The following POU6F2 variants were observed in gnomAD, a reference collection of about 807,000 sequenced individuals.
The protein encoded by POU6F2 is POU class 6 homeobox 2.
POU6F2 carries 31 observed loss-of-function variants against 71.3 expected under a neutral mutation model. The ratio of observed to expected loss-of-function variants is 0.43; its 90% CI spans 0.33 to 0.59. The LOEUF (loss-of-function observed/expected upper bound fraction) is 0.59. POU6F2 is among the 20% of genes least tolerant of loss of function. POU6F2 has a pLI of 0.04. For missense variants in POU6F2, 783 were observed against 856.8 expected (o/e 0.91, Z 1.07); for synonymous variants, 347 against 355.7 (o/e 0.98, Z 0.27).
intron 1 of POU6F2, among the ~76,000 whole-genome samples, chr7:39,068,404 A>C (rs1377005037): frequency 1.3e-5 from 2 of 152,018 alleles, no homozygotes; most frequent in Admixed American, 6.6e-5. Flanking sequence ...AGTGAATTAT[A>C]AAAGCAGGAT....
At chr7:39,000,845 C>T (rs746290162) in intron 1 of POU6F2, among the ~76,000 whole-genome samples, 57 of 152,162 alleles carry the variant, frequency 3.7e-4, no homozygotes, top group Non-Finnish European at 6.6e-4. Flanking sequence ...CGTGGCCTTT[C>T]CTTTTCCTTA....
At chr7:39,215,619 G>A (rs560248747) in intron 4 of POU6F2, among the ~76,000 whole-genome samples, 1 of 152,252 alleles carries the variant, frequency 6.6e-6, no homozygotes, top group East Asian at 1.9e-4. Context: ...TCTGGACTTA[G>A]GACATAGCAA....
At chr7:39,364,136 G>A (rs879530343) in intron 5 of POU6F2, among the ~76,000 whole-genome samples, 1 of 152,154 alleles carries the variant, frequency 6.6e-6, no homozygotes, top group Non-Finnish European at 1.5e-5. Context: ...AGCAGTGGGG[G>A]TTTTCTCTAG....
chr7:39,186,064 C>G (rs527342309), intron 2 of POU6F2, among the ~76,000 whole-genome samples: 1 of 152,030 alleles, frequency 6.6e-6, no homozygotes, highest in African/African-American at 2.4e-5. Context: ...GCACTCACTA[C>G]CACGCGTGGC....
chr7:39,043,021 G>A (rs1261561441), intron 1 of POU6F2, among the ~76,000 whole-genome samples: 1 of 152,002 alleles, frequency 6.6e-6, no homozygotes, highest in Non-Finnish European at 1.5e-5. Flanking sequence ...TCTGGAGTGT[G>A]TGTATGTTCT....
At chr7:39,227,626 C>T (rs550134885) in intron 4 of POU6F2, among the ~76,000 whole-genome samples, 1 of 148,836 alleles carries the variant, frequency 6.7e-6, no homozygotes, top group African/African-American at 2.5e-5. Flanking sequence ...GCGATCTCAG[C>T]TCACTGCAAC....
chr7:39,244,937 C>T (rs561678321), intron 4 of POU6F2, among the ~76,000 whole-genome samples: 1 of 152,276 alleles, frequency 6.6e-6, no homozygotes, highest in Admixed American at 6.5e-5. Context: ...GCCACGAATA[C>T]TCCAAATGGC....
At chr7:39,015,425 TTA>T (rs1309585328) in intron 1 of POU6F2, among the ~76,000 whole-genome samples, 5 of 128,842 alleles carry the variant, frequency 3.9e-5, no homozygotes, top group Admixed American at 8.7e-5. Context: ...ATAATATCTA[TTA>T]TATATAATAT....
intron 4 of POU6F2, among the ~76,000 whole-genome samples, chr7:39,274,278 G>A (rs899377803): frequency 1.3e-5 from 2 of 152,178 alleles, no homozygotes; most frequent in Non-Finnish European, 2.9e-5. Context: ...ACACCTCTAT[G>A]CAAATAAATT....
intron 4 of POU6F2, among the ~76,000 whole-genome samples, chr7:39,248,838 C>G (rs187576327): frequency 1.3e-3 from 205 of 152,286 alleles, no homozygotes; most frequent in African/African-American, 4.5e-3. Flanking sequence ...TAGTCCCTAT[C>G]CCCACTGAGC....
intron 2 of POU6F2, among the ~76,000 whole-genome samples, chr7:39,120,051 G>A (rs1792009004): frequency 6.6e-6 from 1 of 152,234 alleles, no homozygotes; most frequent in Non-Finnish European, 1.5e-5. Context: ...ACCAGCACTT[G>A]TCTGTAAGAG....
At chr7:39,033,005 C>T (rs1489441570) in intron 1 of POU6F2, among the ~76,000 whole-genome samples, 1 of 152,196 alleles carries the variant, frequency 6.6e-6, no homozygotes, top group Admixed American at 6.5e-5. Context: ...TACTCCCGTT[C>T]AGTGTCATCG....
intron 5 of POU6F2, among the ~76,000 whole-genome samples, chr7:39,395,549 AG>A (rs1249575897): frequency 2.6e-5 from 4 of 152,192 alleles, no homozygotes; most frequent in Non-Finnish European, 1.5e-5. Context: ...CTATATGGGC[AG>A]TGCCTCAAGG....
rs142960222 is a variant in POU6F2, at chr7:39,463,681, G to A, written c.1659-501G>A. Reference sequence around the variant, plus strand: ...AGTCCCAATGGCCATCAGTGACTATGATAATAGCAATAACATTTTTATAAC... The same window carrying A: ...AGTCCCAATGGCCATCAGTGACTATAATAATAGCAATAACATTTTTATAAC... On this transcript the variant is annotated intron_variant, in intron 9 of 9. Coordinates refer to ENST00000518318, the MANE Select transcript of POU6F2 (RefSeq NM_001370959.1). 3.3e-3 allele frequency among the ~76,000 whole-genome samples: 506 copies of A among 152,300 alleles called. 8 individuals carry two copies. Among genetic ancestry groups the A allele is most frequent in the South Asian group, 0.011 (51 of 4,826 alleles).
In POU6F2 at chr7:39,433,124, A is replaced by C. The variant is rs1191372873; in HGVS notation, c.1161A>C (p.Gln387His). 6.2e-7 allele frequency: 1 copy of C among 1,613,626 alleles called. No homozygotes were observed. The highest frequency in any genetic ancestry group is 1.3e-5 in the African/African-American group (1 of 74,988). Residue 387 changes from glutamine (Q) to histidine (H), a missense_variant, in exon 7 of 10, where the codon CAA (glutamine) becomes CAC (histidine). Transcript: ENST00000518318. Reference sequence around the variant, plus strand: ...TGCCTAATCCAGGGCCATCGAGCCAAGCAGCAAGCGGCACTCAGGGCTTGC... The same window carrying C: ...TGCCTAATCCAGGGCCATCGAGCCACGCAGCAAGCGGCACTCAGGGCTTGC... ...PLMPNPGPSS[Q>H]AASGTQGLQV... is the part of the protein sequence containing the mutation.
At chr7:39,325,756 C>T (rs1019247339) in intron 4 of POU6F2, among the ~76,000 whole-genome samples, 2 of 152,190 alleles carry the variant, frequency 1.3e-5, no homozygotes, top group African/African-American at 4.8e-5. Flanking sequence ...TTAAACCAGG[C>T]ACAGTAGCCA....
intron 5 of POU6F2, among the ~76,000 whole-genome samples, chr7:39,341,451 A>T (rs1216125365): frequency 1.3e-5 from 2 of 152,206 alleles, no homozygotes; most frequent in African/African-American, 4.8e-5. Context: ...TTCATTGTCC[A>T]CTTGACACCT....
At chr7:39,428,611 C>T (rs909343712) in intron 6 of POU6F2, among the ~76,000 whole-genome samples, 1 of 152,126 alleles carries the variant, frequency 6.6e-6, no homozygotes, top group African/African-American at 2.4e-5. Context: ...TCAAGCAAAT[C>T]CTATGCCAAG....
chr7:39,264,515 A>C (rs377653587), intron 4 of POU6F2, among the ~76,000 whole-genome samples: 2 of 152,214 alleles, frequency 1.3e-5, no homozygotes, highest in African/African-American at 4.8e-5. Context: ...GCTGGTGTCT[A>C]AACTTTGTTC....
Sources: allele counts gnomAD v4.1 joint callset (sites outside exome capture counted in the v4.1 genomes callset), GRCh38; gene constraint gnomAD v4.1.1; transcripts MANE v1.5; gene names NCBI Gene and HGNC (gene_info 2026-07-23, HGNC 2026-07-21).